The following FHOD3 variants were observed in gnomAD, a reference collection of about 807,000 sequenced individuals.
The protein encoded by FHOD3 is FH1/FH2 domain-containing protein 3.
Under a neutral mutation model 173.0 loss-of-function variants are expected in FHOD3, and 90 were observed. The observed-to-expected ratio is 0.52, with a 90% CI of 0.44 to 0.62. The LOEUF (loss-of-function observed/expected upper bound fraction) is 0.62. FHOD3 is among the 20% of genes least tolerant of loss of function. The pLI, the probability that FHOD3 is intolerant of heterozygous loss-of-function variation, is 0.00. For synonymous variants in FHOD3, 828 were observed against 823.0 expected, an observed-to-expected ratio of 1.01 and a Z score of -0.10; for missense variants, 1,945 against 2,034.7, an observed-to-expected ratio of 0.96 and a Z score of 0.85.
intron 3 of FHOD3, among the ~76,000 whole-genome samples, chr18:36,481,204 GTGTT>G (rs1190655442): frequency 6.6e-6 from 1 of 151,990 alleles, no homozygotes; most frequent in Non-Finnish European, 1.5e-5. Flanking sequence ...GTTGCTTTCT[GTGTT>G]TGTTCTTTGC....
intron 5 of FHOD3, among the ~76,000 whole-genome samples, chr18:36,514,474 G>A (rs1008722858): frequency 2.0e-5 from 3 of 152,192 alleles, no homozygotes; most frequent in Non-Finnish European, 4.4e-5. Flanking sequence ...GCAGAGATAA[G>A]GGTGGGAGAG....
intron 5 of FHOD3, among the ~76,000 whole-genome samples, chr18:36,553,409 T>C (rs542521198): frequency 2.6e-4 from 39 of 152,364 alleles, no homozygotes; most frequent in African/African-American, 9.4e-4. Flanking sequence ...AGCTCTTCTT[T>C]GTACCTGTGG....
chr18:36,426,214 A>G (rs938062485), intron 3 of FHOD3, among the ~76,000 whole-genome samples: 16 of 151,964 alleles, frequency 1.1e-4, no homozygotes, highest in African/African-American at 3.1e-4. Context: ...TTCACACACT[A>G]TTTCATTTCA....
intron 10 of FHOD3, among the ~76,000 whole-genome samples, chr18:36,646,884 A>G (rs2848924): frequency 2.6e-5 from 4 of 152,242 alleles, no homozygotes; most frequent in Non-Finnish European, 4.4e-5. Context: ...AATGAAAGAC[A>G]ATAGAGAAGG....
chr18:36,639,556 G>A (rs1032763631), intron 10 of FHOD3, among the ~76,000 whole-genome samples: 1 of 152,040 alleles, frequency 6.6e-6, no homozygotes, highest in Non-Finnish European at 1.5e-5. Context: ...CCACCTACTC[G>A]GGAGGCTGAG....
chr18:36,487,875 C>T (rs933801881), intron 3 of FHOD3, among the ~76,000 whole-genome samples: 1 of 151,750 alleles, frequency 6.6e-6, no homozygotes, highest in Non-Finnish European at 1.5e-5. Context: ...CAGGAGGCCA[C>T]GGAGGATCCA....
intron 1 of FHOD3, among the ~76,000 whole-genome samples, chr18:36,306,986 C>T (rs1941449): frequency 0.35 from 52,502 of 151,980 alleles, 9,615 homozygotes; most frequent in East Asian, 0.56. Flanking sequence ...TTTTCTGAGA[C>T]GGAGTCTTGC....
At chr18:36,443,729 C>T (rs1266274330) in intron 3 of FHOD3, among the ~76,000 whole-genome samples, 4 of 152,128 alleles carry the variant, frequency 2.6e-5, no homozygotes, top group African/African-American at 9.7e-5. Context: ...CTAGGAAATA[C>T]AGCTATATAC....
intron 10 of FHOD3, among the ~76,000 whole-genome samples, chr18:36,643,518 A>C (rs2035478545): frequency 1.3e-5 from 2 of 152,142 alleles, no homozygotes; most frequent in Non-Finnish European, 1.5e-5. Flanking sequence ...TTAATGTTTA[A>C]TTTTACAAGA....
chr18:36,763,710 A>T (rs2043022706), intron 27 of FHOD3, among the ~76,000 whole-genome samples: 1 of 151,192 alleles, frequency 6.6e-6, no homozygotes, highest in African/African-American at 2.4e-5. Context: ...ATATGTATGG[A>T]TTCTACTTTG....
At chr18:36,345,662 C>T (rs1319440362) in intron 1 of FHOD3, among the ~76,000 whole-genome samples, 1 of 151,830 alleles carries the variant, frequency 6.6e-6, no homozygotes, top group Non-Finnish European at 1.5e-5. Context: ...CTTAAATGCA[C>T]ATAATTGAAA....
intron 7 of FHOD3, among the ~76,000 whole-genome samples, chr18:36,602,125 G>A (rs147533035): frequency 1.1e-3 from 166 of 152,328 alleles, no homozygotes; most frequent in African/African-American, 3.8e-3. Flanking sequence ...AACCTATTGA[G>A]GGCAGCTGCC....
At chr18:36,340,916 C>A (rs563204596) in intron 1 of FHOD3, among the ~76,000 whole-genome samples, 4 of 152,144 alleles carry the variant, frequency 2.6e-5, no homozygotes, top group Non-Finnish European at 5.9e-5. Context: ...GGATTACAGG[C>A]GTGAGCCACC....
intron 18 of FHOD3, among the ~76,000 whole-genome samples, chr18:36,714,604 C>T (rs1397314743): frequency 6.6e-6 from 1 of 152,156 alleles, no homozygotes; most frequent in Non-Finnish European, 1.5e-5. Flanking sequence ...GCTCACATTT[C>T]CCAATAAATG....
intron 9 of FHOD3, among the ~76,000 whole-genome samples, chr18:36,618,956 A>G (rs2033470305): frequency 6.6e-6 from 1 of 152,114 alleles, no homozygotes; most frequent in African/African-American, 2.4e-5. Flanking sequence ...TGTCCTTATC[A>G]GACCTCCTCT....
chr18:36,400,261 T>G (rs112645619), intron 3 of FHOD3, among the ~76,000 whole-genome samples: 211 of 152,344 alleles, frequency 1.4e-3, no homozygotes, highest in African/African-American at 4.5e-3. Flanking sequence ...AGCTCAGTAT[T>G]TAAGCAAGAC....
chr18:36,635,818 G>A (rs75309505), intron 10 of FHOD3, among the ~76,000 whole-genome samples: 3,894 of 152,260 alleles, frequency 0.026, 178 homozygotes, highest in African/African-American at 0.09. Flanking sequence ...AAACTGCATG[G>A]GCAGAGAACT....
At chr18:36,597,649 A>G (rs917903212) in intron 7 of FHOD3, among the ~76,000 whole-genome samples, 9 of 152,012 alleles carry the variant, frequency 5.9e-5, no homozygotes, top group African/African-American at 2.2e-4. Flanking sequence ...GATAGTCTCA[A>G]TCTCCTGACC....
chr18:36,433,520 C>A (rs975628833), intron 3 of FHOD3, among the ~76,000 whole-genome samples: 1 of 152,194 alleles, frequency 6.6e-6, no homozygotes, highest in Admixed American at 6.5e-5. Flanking sequence ...GGATTTTATT[C>A]TATCTAGAAT....
Sources: allele counts gnomAD v4.1 joint callset (sites outside exome capture counted in the v4.1 genomes callset), GRCh38; gene constraint gnomAD v4.1.1; transcripts MANE v1.5; gene names NCBI Gene and HGNC (gene_info 2026-07-23, HGNC 2026-07-21).